SLC7A7: variants seen among roughly 807,000 people sequenced by gnomAD.
SLC7A7 encodes the protein solute carrier family 7 member 7, also known as Y+L amino acid transporter 1.
In SLC7A7, 39 loss-of-function variants were observed where a neutral mutation model predicts 47.9. The ratio of observed to expected loss-of-function variants is 0.81; its 90% CI spans 0.63 to 1.06. SLC7A7 has a LOEUF of 1.06. SLC7A7 is among the 50% of genes least tolerant of loss of function. The pLI is 0.00. For synonymous variants in SLC7A7, 234 were observed against 242.8 expected, an observed-to-expected ratio of 0.96 and a Z score of 0.34; for missense variants, 588 against 632.0, an observed-to-expected ratio of 0.93 and a Z score of 0.75.
intron 2 of SLC7A7, among the ~76,000 whole-genome samples, chr14:22,793,415 T>C (rs1297803245): frequency 6.6e-6 from 1 of 152,186 alleles, no homozygotes; most frequent in Non-Finnish European, 1.5e-5. Context: ...ACTTAGTTTA[T>C]AATTTAGACA....
chr14:22,780,447 C>G (rs979470295), intron 2 of SLC7A7: 1 of 254,458 alleles, frequency 3.9e-6, no homozygotes, highest in Admixed American at 4.9e-5. Flanking sequence ...CTCCAGGACA[C>G]AGCACTCTGA....
intron 2 of SLC7A7, among the ~76,000 whole-genome samples, chr14:22,799,358 T>A (rs1423957671): frequency 1.3e-5 from 2 of 152,022 alleles, no homozygotes; most frequent in African/African-American, 4.8e-5. Flanking sequence ...TCAGAATGCT[T>A]CTAAGCCCCT....
intron 2 of SLC7A7, among the ~76,000 whole-genome samples, chr14:22,812,122 G>T (rs758273337): frequency 3.9e-5 from 6 of 152,066 alleles, no homozygotes; most frequent in African/African-American, 1.4e-4. Flanking sequence ...ATGTAGACTA[G>T]TATGACCTCA....
intron 2 of SLC7A7, among the ~76,000 whole-genome samples, chr14:22,791,616 G>A (rs2139419579): frequency 6.6e-6 from 1 of 152,214 alleles, no homozygotes; most frequent in African/African-American, 2.4e-5. Context: ...CCTGGGGGAA[G>A]GCCAAACCCC....
At chr14:22,794,456 G>A (rs17211943) in intron 2 of SLC7A7, among the ~76,000 whole-genome samples, 56,603 of 151,894 alleles carry the variant, frequency 0.37, 12,320 homozygotes, top group Non-Finnish European at 0.48. Flanking sequence ...TCTCCAAGCC[G>A]TGTAAATCCA....
chr14:22,776,134 C>T, intron 5 of SLC7A7, 61 bp downstream of exon 5: 2 of 1,611,608 alleles, frequency 1.2e-6, no homozygotes, highest in Non-Finnish European at 1.7e-6. Context: ...CTTTCAAGAG[C>T]CAGAATATAC....
intron 2 of SLC7A7, among the ~76,000 whole-genome samples, chr14:22,792,923 T>G (rs1027027114): frequency 4.0e-5 from 6 of 149,176 alleles, no homozygotes; most frequent in African/African-American, 9.8e-5. Context: ...AAATATCTTT[T>G]TTTTTTTTTT....
intron 2 of SLC7A7, among the ~76,000 whole-genome samples, chr14:22,782,345 C>T (rs2038733410): frequency 6.6e-6 from 1 of 151,932 alleles, no homozygotes; most frequent in Admixed American, 6.6e-5. Context: ...TGAGGTGATC[C>T]ACCCACCTCA....
chr14:22,775,906 T>C lies in SLC7A7; in HGVS notation c.925A>G (p.Asn309Asp), dbSNP rs2038594542. The C allele has an allele frequency of 1.9e-6, 3 of 1,614,006 alleles. No homozygotes were observed. The East Asian group carries it at 6.7e-5, about 36-fold the overall frequency. The change falls in exon 6 of 10, where the codon AAC (asparagine) becomes GAC (aspartate). Residue 309 changes from asparagine (N) to aspartate (D), a missense_variant. Coordinates refer to ENST00000674313, the MANE Select transcript of SLC7A7 (RefSeq NM_003982.4). The part of the protein sequence containing the change: ...TFADQIFGIF[N>D]WIIPLSVALS... Reference sequence around the variant, plus strand: ...GCAACTGACAGTGGAATTATCCAGTTAAATATTCCAAATATCTGATCTGCA... The same window carrying C: ...GCAACTGACAGTGGAATTATCCAGTCAAATATTCCAAATATCTGATCTGCA...
chr14:22,813,575 C>A, intron 1 of SLC7A7, 135 bp from the exon 2 acceptor site: 3 of 701,260 alleles, frequency 4.3e-6, no homozygotes, highest in Admixed American at 4.5e-5. Context: ...TTCTCCAGCT[C>A]ACTCATCAAA....
At chr14:22,809,444 G>A (rs1376230747) in intron 2 of SLC7A7, among the ~76,000 whole-genome samples, 4 of 151,638 alleles carry the variant, frequency 2.6e-5, no homozygotes, top group South Asian at 2.1e-4. Context: ...GGGTTCAAGC[G>A]ATTCCCCTGC....
rs527568845 is a variant in SLC7A7, at chr14:22,780,035, A to G, written c.516T>C (p.Ile172=). The G allele has an allele frequency of 8.7e-6, 14 of 1,613,914 alleles. No homozygotes were observed. The highest frequency in any genetic ancestry group is 1.2e-5 in the Non-Finnish European group (14 of 1,179,968). Residue 172 remains isoleucine (I), a synonymous_variant, in exon 3 of 10, where the codon ATT becomes ATC. Transcript: ENST00000674313. ...TTCCCCATTTGACATAGGCACAGTT[A>G]ATGAAGGTTAAGAGACCTGAAAGAA... ...AAACICLLTF[I]NCAYVKWGTL...
rs767004080 is a variant in SLC7A7 at position 22,773,516 on chromosome 14, G to A, written c.*94C>T. The A allele has an allele frequency of 9.6e-7, 1 of 1,042,502 alleles. No homozygotes were observed. Among genetic ancestry groups the A allele is most frequent in the Non-Finnish European group, 1.5e-6 (1 of 669,050 alleles). 64.6% of individuals were successfully genotyped at this position (1,042,502 alleles called of 1,614,324 possible). On this transcript the variant is annotated 3_prime_UTR_variant, in exon 10 of 10. Transcript: ENST00000674313. ...GCCTAGGCCAGGCTTCTGGACAGGTGCCTCCAAAGAAGTGAGCTTTCCTTT... is the reference window on the plus strand; with the variant it reads ...GCCTAGGCCAGGCTTCTGGACAGGTACCTCCAAAGAAGTGAGCTTTCCTTT...
Position 22,790,954 on chromosome 14 carries a change from C to T in SLC7A7, c.500-10903G>A, listed in dbSNP as rs544417152. ...CGGAGGTTGCAGTGAGCTAAGATCG[C>T]GCCACTGCACTCCAGCCTGGTGACA... On this transcript the variant is annotated intron_variant, in intron 2 of 9. Transcript: ENST00000674313. 6.7e-5 allele frequency among the ~76,000 whole-genome samples: 10 copies of T among 149,538 alleles called. No homozygotes were observed. The East Asian group carries it at 2.0e-3, about 29-fold the overall frequency.
intron 7 of SLC7A7, among the ~76,000 whole-genome samples, chr14:22,774,973 C>G (rs2038568850): frequency 6.6e-6 from 1 of 152,190 alleles, no homozygotes; most frequent in South Asian, 2.1e-4. Context: ...AAAACCCATA[C>G]TGCTTTATCA....
At chr14:22,777,908 C>G (rs2038645924) in intron 4 of SLC7A7, among the ~76,000 whole-genome samples, 1 of 152,168 alleles carries the variant, frequency 6.6e-6, no homozygotes, top group African/African-American at 2.4e-5. Flanking sequence ...ACCCATGTCT[C>G]TACTAAAAAT....
intron 2 of SLC7A7, among the ~76,000 whole-genome samples, chr14:22,802,224 G>A (rs947503691): frequency 2.0e-5 from 3 of 152,106 alleles, no homozygotes; most frequent in African/African-American, 7.2e-5. Flanking sequence ...CCAACATGGT[G>A]AAACCCCATC....
chr14:22,784,063 G>A (rs1355017125), intron 2 of SLC7A7, among the ~76,000 whole-genome samples: 1 of 152,226 alleles, frequency 6.6e-6, no homozygotes, highest in Non-Finnish European at 1.5e-5. Context: ...CCAGCTAAGT[G>A]CACTGCTCTT....
At chr14:22,808,695 T>G (rs896670859) in intron 2 of SLC7A7, among the ~76,000 whole-genome samples, 1 of 152,206 alleles carries the variant, frequency 6.6e-6, no homozygotes, top group Non-Finnish European at 1.5e-5. Flanking sequence ...AATAAACCCA[T>G]GAATCATATG....
Sources: gnomAD v4.1 joint callset for allele counts (sites outside exome capture counted in the v4.1 genomes callset) on GRCh38, gnomAD v4.1.1 for gene constraint, MANE v1.5 for transcripts, NCBI Gene and HGNC (gene_info 2026-07-23, HGNC 2026-07-21) for gene names.